Variants in ZNF14 observed in about 807,000 individuals in gnomAD.
ZNF14 encodes the protein zinc finger protein 14, also known as gonadotropin inducible transcription repressor-4.
Under a neutral mutation model 11.3 loss-of-function variants are expected in ZNF14, and 9 were observed. The ratio of observed to expected loss-of-function variants is 0.80; its 90% CI spans 0.48 to 1.39. The LOEUF (loss-of-function observed/expected upper bound fraction) is 1.39. ZNF14 is among the 40% of genes most tolerant of loss of function. ZNF14 has a pLI of 0.00. For missense variants in ZNF14, 711 were observed against 763.9 expected (o/e 0.93, Z 0.82); for synonymous variants, 239 against 245.7 (o/e 0.97, Z 0.25).
intron 2 of ZNF14, 41 bp from the exon 3 acceptor site, chr19:19,714,192 A>C: frequency 6.3e-7 from 1 of 1,599,804 alleles, no homozygotes; most frequent in Non-Finnish European, 8.5e-7. Flanking sequence ...AATTATTAGA[A>C]ATTATAGAAA....
At chr19:19,723,820 A>ATG (rs1466095290) in intron 1 of ZNF14, among the ~76,000 whole-genome samples, 1 of 132,354 alleles carries the variant, frequency 7.6e-6, no homozygotes, top group Non-Finnish European at 1.7e-5. Flanking sequence ...GGGAGGGTGT[A>ATG]TGTCCAGGAA....
Position 19,729,456 on chromosome 19 carries a change from T to C in ZNF14, c.3+3500A>G, listed in dbSNP as rs529609142. Among the ~76,000 whole-genome samples the C allele has an allele frequency of 2.9e-3, 433 of 151,642 alleles. 2 individuals are homozygous for C. The highest frequency in any genetic ancestry group is 4.9e-3 in the Non-Finnish European group (332 of 67,902). On this transcript the variant is annotated intron_variant, in intron 1 of 3. Coordinates refer to ENST00000344099, the MANE Select transcript of ZNF14 (RefSeq NM_021030.3). ...TCAGCCTCCCGAGTAGCTGGAATTA[T>C]AGGCGCCAGCCCCCACATCCAGCTA...
In ZNF14 at chr19:19,723,817, T is replaced by G. The variant is rs1297208223; in HGVS notation, c.3+9139A>C. 1.5e-5 allele frequency among the ~76,000 whole-genome samples: 2 copies of G among 133,234 alleles called. 1 individual carries two copies. Among genetic ancestry groups the G allele is most frequent in the Non-Finnish European group, 3.3e-5 (2 of 60,068 alleles). The allele number at this position is 133,234 out of a possible 152,430, so 87.4% of individuals were successfully genotyped here. A position where few individuals can be genotyped will look rare whatever the true frequency, so the allele number is the denominator to read the frequency against. ...TCTTCCTGGTTTAGTCTTGGGAGGG[T>G]GTATGTCCAGGAATTTATCCATTTC... On this transcript the variant is annotated intron_variant, in intron 1 of 3. Coordinates refer to ENST00000344099, the MANE Select transcript of ZNF14 (RefSeq NM_021030.3).
chr19:19,714,520 G>A (rs770262114), intron 1 of ZNF14, 33 bp from the exon 2 acceptor site: 2 of 1,593,934 alleles, frequency 1.3e-6, no homozygotes, highest in East Asian at 2.2e-5. Context: ...ACAGAGGATG[G>A]GTAAGACTGG....
intron 1 of ZNF14, 137 bp from the exon 2 acceptor site, chr19:19,714,624 G>A (rs552140113): frequency 5.0e-5 from 44 of 880,302 alleles, no homozygotes; most frequent in African/African-American, 3.2e-4. Flanking sequence ...TCAGAACTAC[G>A]ACTGTCCACA....
rs1205665527 is a variant in ZNF14 at position 19,726,451 on chromosome 19, C to T, written c.3+6505G>A. Reference sequence around the variant, plus strand: ...TGCCTGATCCTTCCTCTTGAAGCTTCGTCTCAGAGGGGCACCCGGCTGTAT... The same window carrying T: ...TGCCTGATCCTTCCTCTTGAAGCTTTGTCTCAGAGGGGCACCCGGCTGTAT... On this transcript the variant is annotated intron_variant, in intron 1 of 3. Transcript: ENST00000344099. 3.7e-5 allele frequency among the ~76,000 whole-genome samples: 5 copies of T among 133,552 alleles called. 1 individual carries two copies. Among genetic ancestry groups the T allele is most frequent in the African/African-American group, 1.4e-4 (5 of 36,048 alleles). The allele number at this position is 133,552 out of a possible 152,430, so 87.6% of individuals were successfully genotyped here.
intron 1 of ZNF14, among the ~76,000 whole-genome samples, chr19:19,714,878 T>G (rs1416530815): frequency 6.6e-6 from 1 of 151,882 alleles, no homozygotes; most frequent in African/African-American, 2.4e-5. Flanking sequence ...CTATCTAATT[T>G]TTTGTATTTT....
At chr19:19,714,250 C>A in intron 2 of ZNF14, 99 bp from the exon 3 acceptor site, 1 of 1,588,100 alleles carries the variant, frequency 6.3e-7, no homozygotes, top group Non-Finnish European at 8.6e-7. Flanking sequence ...CTGATTCAAT[C>A]ACTGAAAGAT....
chr19:19,723,895 G>T lies in ZNF14; in HGVS notation c.3+9061C>A, dbSNP rs1478033155. On this transcript the variant is annotated intron_variant, in intron 1 of 3. Coordinates refer to ENST00000344099, the MANE Select transcript of ZNF14 (RefSeq NM_021030.3). ...GAGGTGTTTATACTATTCTCTGATG[G>T]TAGTTTGTATTTCTGTGGGATCAGT... Among the ~76,000 whole-genome samples, 2 of 133,774 alleles carry T rather than the reference G, an allele frequency of 1.5e-5. 1 individual carries two copies. Among genetic ancestry groups the T allele is most frequent in the Non-Finnish European group, 3.3e-5 (2 of 60,116 alleles). The allele number at this position is 133,774 out of a possible 152,430, so 87.8% of individuals were successfully genotyped here. A position where few individuals can be genotyped will look rare whatever the true frequency, so the allele number is the denominator to read the frequency against.
At chr19:19,730,287 A>C (rs1599473320) in intron 1 of ZNF14, among the ~76,000 whole-genome samples, 1 of 152,002 alleles carries the variant, frequency 6.6e-6, no homozygotes, top group Non-Finnish European at 1.5e-5. Flanking sequence ...TCGGCCTCCC[A>C]AAGTGCTGGG....
chr19:19,728,717 T>C (rs2062413817), intron 1 of ZNF14, among the ~76,000 whole-genome samples: 1 of 131,724 alleles, frequency 7.6e-6, no homozygotes, highest in Non-Finnish European at 1.7e-5. Context: ...CAATCATTCA[T>C]ATTACATATA....
At position 19,710,706 on chromosome 19, in the gene ZNF14, CTT is replaced by C. The variant is rs1471127457; in HGVS notation, c.*644_*645del. On this transcript the variant is annotated 3_prime_UTR_variant, in exon 4 of 4. Transcript: ENST00000344099. Reference sequence around the variant, plus strand: ...TTCCCAAATGTCTTACATTTATAGACTTTCACCCCACTCTGACTCCTTTCATA... The same window carrying C: ...TTCCCAAATGTCTTACATTTATAGACTCACCCCACTCTGACTCCTTTCATA... 6.5e-6 allele frequency: 1 copy of C among 152,834 alleles called. No individual in the cohort carries two copies. The allele number at this position is 152,834 out of a possible 1,614,324, so 9.5% of individuals were successfully genotyped here.
At chr19:19,732,321 G>A (rs1256021631) in intron 1 of ZNF14, among the ~76,000 whole-genome samples, 1 of 152,200 alleles carries the variant, frequency 6.6e-6, no homozygotes, top group Non-Finnish European at 1.5e-5. Context: ...AATTAAGGGT[G>A]GCTAGAATTA....
chr19:19,728,730 C>T (rs2062413839), intron 1 of ZNF14, among the ~76,000 whole-genome samples: 1 of 131,606 alleles, frequency 7.6e-6, no homozygotes, highest in South Asian at 2.5e-4. Flanking sequence ...TACATATACC[C>T]AACTTTCAGA....
intron 1 of ZNF14, among the ~76,000 whole-genome samples, chr19:19,730,907 C>T (rs1396733403): frequency 6.6e-6 from 1 of 151,982 alleles, no homozygotes; most frequent in Admixed American, 6.5e-5. Context: ...AGTGAAACTC[C>T]ATCTCAAAAG....
chr19:19,732,647 C>T (rs529741780), intron 1 of ZNF14, among the ~76,000 whole-genome samples: 1 of 152,262 alleles, frequency 6.6e-6, no homozygotes, highest in East Asian at 1.9e-4. Context: ...CCCCACAGAC[C>T]GAGATGGGAT....
At chr19:19,714,714 T>TC (rs1568448960) in intron 1 of ZNF14, among the ~76,000 whole-genome samples, 1 of 42,386 alleles carries the variant, frequency 2.4e-5, no homozygotes, top group Non-Finnish European at 6.5e-5. Context: ...TTTCTTTTTC[T>TC]TTTTTTTTTT....
Position 19,728,748 on chromosome 19 carries a change from G to A in ZNF14, c.3+4208C>T, listed in dbSNP as rs112595806. ...ATATACCCAACTTTCAGACCTCCACGGGAAAAAATACCAATGCCACTGGGA... is the reference window on the plus strand; with the variant it reads ...ATATACCCAACTTTCAGACCTCCACAGGAAAAAATACCAATGCCACTGGGA... On this transcript the variant is annotated intron_variant, in intron 1 of 3. Transcript: ENST00000344099. 9.4e-5 allele frequency among the ~76,000 whole-genome samples: 11 copies of A among 116,938 alleles called. 1 individual carries two copies. The highest frequency in any genetic ancestry group is 2.9e-4 in the African/African-American group (9 of 31,522). The allele number at this position is 116,938 out of a possible 152,430, so 76.7% of individuals were successfully genotyped here.
At chr19:19,713,585 A>C (rs2062368634) in intron 3 of ZNF14, among the ~76,000 whole-genome samples, 1 of 151,470 alleles carries the variant, frequency 6.6e-6, no homozygotes, top group South Asian at 2.1e-4. Flanking sequence ...GGTAGCTGGG[A>C]TTATAGGAGC....
Sources: allele counts gnomAD v4.1 joint callset (sites outside exome capture counted in the v4.1 genomes callset), GRCh38; gene constraint gnomAD v4.1.1; transcripts MANE v1.5; gene names NCBI Gene and HGNC (gene_info 2026-07-23, HGNC 2026-07-21).